CCDC7: variants seen among roughly 807,000 people sequenced by gnomAD.
The protein encoded by CCDC7 is coiled-coil domain containing 7, also known as coiled-coil domain-containing protein 7.
Under a neutral mutation model 196.9 loss-of-function variants are expected in CCDC7, and 183 were observed. The observed-to-expected ratio is 0.93, with a 90% CI of 0.82 to 1.05. The LOEUF is 1.05. Among genes scored for constraint, CCDC7 ranks in the 50% least tolerant of loss-of-function variants. The pLI is 0.00. For missense variants in CCDC7, 1,540 were observed against 1,482.2 expected, an observed-to-expected ratio of 1.04 and a Z score of -0.64; for synonymous variants, 525 against 484.6, an observed-to-expected ratio of 1.08 and a Z score of -1.10.
At chr10:32,725,251 G>C (rs1592080058) in intron 25 of CCDC7, 1 of 454,342 alleles carries the variant, frequency 2.2e-6, no homozygotes, top group Non-Finnish European at 4.5e-6. Context: ...GATTTATGCA[G>C]TTGCTCTATC....
chr10:32,658,402 G>A (rs1161602969), intron 20 of CCDC7, among the ~76,000 whole-genome samples: 1 of 151,828 alleles, frequency 6.6e-6, no homozygotes, highest in Non-Finnish European at 1.5e-5. Flanking sequence ...CAAGGTGGCA[G>A]GAGAGAGAAG....
intron 9 of CCDC7, among the ~76,000 whole-genome samples, chr10:32,497,011 C>A (rs938576212): frequency 6.6e-6 from 1 of 152,070 alleles, no homozygotes; most frequent in Non-Finnish European, 1.5e-5. Flanking sequence ...GCTGTGAATC[C>A]GTCTGGTCCT....
intron 15 of CCDC7, among the ~76,000 whole-genome samples, chr10:32,570,638 A>G (rs530225691): frequency 6.6e-6 from 1 of 152,328 alleles, no homozygotes; most frequent in Non-Finnish European, 1.5e-5. Flanking sequence ...CACACTAGGC[A>G]TAGTTATCTA....
chr10:32,586,201 G>T (rs557536359), intron 18 of CCDC7, among the ~76,000 whole-genome samples: 1 of 152,058 alleles, frequency 6.6e-6, no homozygotes, highest in Non-Finnish European at 1.5e-5. Flanking sequence ...CATATCCTTC[G>T]CCCACTTTTT....
intron 29 of CCDC7, among the ~76,000 whole-genome samples, chr10:32,792,851 A>G (rs1318549629): frequency 6.6e-6 from 1 of 152,244 alleles, no homozygotes; most frequent in Non-Finnish European, 1.5e-5. Flanking sequence ...TTTACAAACA[A>G]TAAAGAGAAA....
At chr10:32,798,643 C>T (rs993155035) in intron 29 of CCDC7, among the ~76,000 whole-genome samples, 4 of 152,218 alleles carry the variant, frequency 2.6e-5, no homozygotes, top group Non-Finnish European at 5.9e-5. Context: ...AGACCCTGAC[C>T]ATCCAGGCAA....
At chr10:32,472,362 T>C (rs2038120247) in intron 6 of CCDC7, 119 bp from the exon 8 acceptor site, 2 of 923,532 alleles carry the variant, frequency 2.2e-6, no homozygotes, top group Non-Finnish European at 2.9e-6. Flanking sequence ...TAAAGATATG[T>C]TTAATTTTTA....
chr10:32,809,904 T>G (rs929854898), intron 30 of CCDC7, among the ~76,000 whole-genome samples: 1 of 150,314 alleles, frequency 6.7e-6, no homozygotes, highest in Non-Finnish European at 1.5e-5. Context: ...TTATAAATCA[T>G]GCTACTATAA....
chr10:32,646,994 C>T (rs981834211), intron 20 of CCDC7, among the ~76,000 whole-genome samples: 11 of 152,026 alleles, frequency 7.2e-5, no homozygotes, highest in African/African-American at 1.2e-4. Context: ...AGTTGGGCAA[C>T]GAGATTGATT....
intron 24 of CCDC7, among the ~76,000 whole-genome samples, chr10:32,696,137 G>A (rs2077689376): frequency 1.3e-5 from 2 of 152,056 alleles, no homozygotes; most frequent in Admixed American, 1.3e-4. Flanking sequence ...AGGGACTGGG[G>A]GTGAATACAG....
At chr10:32,538,364 C>A (rs1372029595) in intron 11 of CCDC7, among the ~76,000 whole-genome samples, 1 of 152,144 alleles carries the variant, frequency 6.6e-6, no homozygotes, top group Non-Finnish European at 1.5e-5. Flanking sequence ...TGACGTTGTT[C>A]ATCAGCTGAA....
Position 32,790,298 on chromosome 10 carries a change from A to G in CCDC7, c.3013+11214A>G, listed in dbSNP as rs149108680. ...TTCTGTCCGGGACCCCAGACTGTCCATGACATTCTCTGAAATCTAGGTGGA... is the reference window on the plus strand; with the variant it reads ...TTCTGTCCGGGACCCCAGACTGTCCGTGACATTCTCTGAAATCTAGGTGGA... On this transcript the variant is annotated intron_variant, in intron 29 of 41. Coordinates refer to ENST00000639629, the Ensembl canonical transcript of CCDC7. Among the ~76,000 whole-genome samples, 1,035 of 152,278 alleles carry G rather than the reference A, an allele frequency of 6.8e-3. 4 individuals carry two copies. The highest frequency in any genetic ancestry group is 0.011 in the Non-Finnish European group (738 of 68,024).
chr10:32,852,883 G>T (rs1431071366), intron 40 of CCDC7, among the ~76,000 whole-genome samples: 4 of 152,096 alleles, frequency 2.6e-5, no homozygotes, highest in African/African-American at 4.8e-5. Flanking sequence ...AGAAAAAATG[G>T]TTAGAAATTA....
intron 33 of CCDC7, among the ~76,000 whole-genome samples, chr10:32,838,053 A>G (rs1316894650): frequency 6.6e-6 from 1 of 152,150 alleles, no homozygotes; most frequent in African/African-American, 2.4e-5. Flanking sequence ...GTGCACATGT[A>G]CCTTAGAACT....
intron 21 of CCDC7, among the ~76,000 whole-genome samples, chr10:32,673,273 G>C (rs2074361874): frequency 6.6e-6 from 1 of 151,720 alleles, no homozygotes; most frequent in Non-Finnish European, 1.5e-5. Flanking sequence ...TGACTATTTG[G>C]GTTTTTTGGT....
chr10:32,608,110 T>C (rs777948196), intron 18 of CCDC7, among the ~76,000 whole-genome samples: 2 of 152,142 alleles, frequency 1.3e-5, no homozygotes, highest in Admixed American at 6.5e-5. Context: ...TTTTTCATAG[T>C]CGTCTCTGAT....
intron 2 of CCDC7, among the ~76,000 whole-genome samples, chr10:32,454,192 G>C (rs1442273671): frequency 6.6e-6 from 1 of 152,166 alleles, no homozygotes; most frequent in Admixed American, 6.5e-5. Flanking sequence ...GCTAAGGTAG[G>C]AGGGGAGAAT....
At chr10:32,665,472 A>T (rs1447130941) in intron 21 of CCDC7, among the ~76,000 whole-genome samples, 1 of 151,954 alleles carries the variant, frequency 6.6e-6, no homozygotes, top group Non-Finnish European at 1.5e-5. Flanking sequence ...ATCCAATTTG[A>T]GTTGATTTTT....
chr10:32,748,120 C>G (rs764304088), intron 28 of CCDC7, among the ~76,000 whole-genome samples: 7 of 152,070 alleles, frequency 4.6e-5, no homozygotes, highest in South Asian at 4.1e-4. Context: ...AACAGAAAAC[C>G]AAATACCACA....
Sources: gnomAD v4.1 joint callset for allele counts (sites outside exome capture counted in the v4.1 genomes callset) on GRCh38, gnomAD v4.1.1 for gene constraint, MANE v1.5 for transcripts, NCBI Gene and HGNC (gene_info 2026-07-23, HGNC 2026-07-21) for gene names.